Variants in MIR2052HG observed in about 807,000 individuals in gnomAD.
MIR2052HG encodes the protein MIR2052 host gene.
chr8:74,729,477 T>G (rs910406538), intron 4 of MIR2052HG, among the ~76,000 whole-genome samples: 9 of 152,162 alleles, frequency 5.9e-5, no homozygotes, highest in African/African-American at 2.2e-4. Context: ...TCAGAGAGAT[T>G]AACATGTGAA....
intron 2 of MIR2052HG, among the ~76,000 whole-genome samples, chr8:74,616,165 G>C (rs1477506300): frequency 6.6e-6 from 1 of 151,856 alleles, no homozygotes. Context: ...ATTTCTAGTT[G>C]TAGATCCTTG....
chr8:74,683,729 C>G (rs1219228684), intron 2 of MIR2052HG, among the ~76,000 whole-genome samples: 1 of 152,114 alleles, frequency 6.6e-6, no homozygotes, highest in Non-Finnish European at 1.5e-5. Context: ...GTGTTACAAT[C>G]ACAGTGATAA....
At chr8:74,715,196 T>C (rs1449096243) in intron 4 of MIR2052HG, among the ~76,000 whole-genome samples, 1 of 152,116 alleles carries the variant, frequency 6.6e-6, no homozygotes, top group Non-Finnish European at 1.5e-5. Flanking sequence ...AAAAAACTGA[T>C]GACTAAAACT....
intron 2 of MIR2052HG, among the ~76,000 whole-genome samples, chr8:74,701,381 T>C (rs560318313): frequency 2.0e-5 from 3 of 152,216 alleles, no homozygotes; most frequent in African/African-American, 7.2e-5. Context: ...GTTCAAGCAC[T>C]GTTTCTACTT....
intron 2 of MIR2052HG, among the ~76,000 whole-genome samples, chr8:74,656,476 C>G (rs1187035936): frequency 3.9e-5 from 6 of 152,174 alleles, no homozygotes; most frequent in Admixed American, 3.9e-4. Context: ...CTCACGAGAT[C>G]TGATGGGTTT....
intron 2 of MIR2052HG, among the ~76,000 whole-genome samples, chr8:74,648,575 G>A (rs1416069558): frequency 2.0e-5 from 3 of 152,018 alleles, no homozygotes; most frequent in East Asian, 1.9e-4. Flanking sequence ...GCTCAAGGTC[G>A]CCATCACGGT....
intron 2 of MIR2052HG, among the ~76,000 whole-genome samples, chr8:74,669,527 G>C (rs887993857): frequency 2.6e-5 from 4 of 152,104 alleles, no homozygotes; most frequent in African/African-American, 9.7e-5. Flanking sequence ...CCTAACTCTT[G>C]CTAATGATTT....
At chr8:74,751,757 TATG>T (rs1376094739) in intron 4 of MIR2052HG, among the ~76,000 whole-genome samples, 1 of 152,198 alleles carries the variant, frequency 6.6e-6, no homozygotes, top group Non-Finnish European at 1.5e-5. Flanking sequence ...CATTCCTAAT[TATG>T]ATGACAAATT....
intron 2 of MIR2052HG, among the ~76,000 whole-genome samples, chr8:74,672,276 TA>T (rs1310713379): frequency 9.9e-5 from 15 of 152,236 alleles, no homozygotes; most frequent in African/African-American, 3.6e-4. Context: ...CCGTTGAATC[TA>T]AATAATACAC....
intron 2 of MIR2052HG, among the ~76,000 whole-genome samples, chr8:74,681,547 C>T (rs994979926): frequency 1.3e-5 from 2 of 152,030 alleles, no homozygotes; most frequent in African/African-American, 4.8e-5. Flanking sequence ...ATTTAATTGC[C>T]AATGTAATGG....
intron 2 of MIR2052HG, among the ~76,000 whole-genome samples, chr8:74,637,659 C>T (rs1414507737): frequency 6.6e-6 from 1 of 152,110 alleles, no homozygotes; most frequent in Non-Finnish European, 1.5e-5. Context: ...ATTCTTCTAG[C>T]AAGCTTCTTC....
At chr8:74,707,381 T>C (rs555876786) in intron 4 of MIR2052HG, among the ~76,000 whole-genome samples, 24 of 152,206 alleles carry the variant, frequency 1.6e-4, no homozygotes, top group African/African-American at 5.1e-4. Context: ...AAAAATAAAA[T>C]ACATACAAGC....
chr8:74,680,979 C>T (rs1230910062), intron 2 of MIR2052HG, among the ~76,000 whole-genome samples: 3 of 147,482 alleles, frequency 2.0e-5, no homozygotes, highest in South Asian at 2.1e-4. Flanking sequence ...AACCAAACAC[C>T]GCATATTCTC....
chr8:74,752,338 A>G (rs1217456416), intron 4 of MIR2052HG: 1 of 343,564 alleles, frequency 2.9e-6, no homozygotes, highest in East Asian at 1.1e-4. Flanking sequence ...TCAATTACTA[A>G]TTTCAAAGGC....
chr8:74,742,698 A>T (rs946419074), intron 4 of MIR2052HG, among the ~76,000 whole-genome samples: 1 of 152,254 alleles, frequency 6.6e-6, no homozygotes, highest in African/African-American at 2.4e-5. Flanking sequence ...CTTCCCTGGA[A>T]TTGCCACCCA....
intron 2 of MIR2052HG, among the ~76,000 whole-genome samples, chr8:74,624,761 A>G (rs1195595206): frequency 1.3e-5 from 2 of 152,162 alleles, no homozygotes; most frequent in South Asian, 2.1e-4. Context: ...TATTCCTAAC[A>G]CTTAAATACT....
intron 2 of MIR2052HG, among the ~76,000 whole-genome samples, chr8:74,637,350 A>G (rs976604443): frequency 6.6e-6 from 1 of 152,124 alleles, no homozygotes; most frequent in African/African-American, 2.4e-5. Context: ...CAGGATACAC[A>G]TGCAAACACA....
At chr8:74,658,544 C>A (rs1055782893) in intron 2 of MIR2052HG, among the ~76,000 whole-genome samples, 1 of 152,054 alleles carries the variant, frequency 6.6e-6, no homozygotes. Context: ...CACCACCACA[C>A]CCGGCTAATT....
intron 2 of MIR2052HG, among the ~76,000 whole-genome samples, chr8:74,675,379 A>G (rs269168): frequency 0.2 from 29,972 of 151,988 alleles, 3,224 homozygotes; most frequent in Middle Eastern, 0.3. Context: ...TTTACATAGC[A>G]TTTACATTAT....
Sources: gnomAD v4.1 joint callset for allele counts (sites outside exome capture counted in the v4.1 genomes callset) on GRCh38, gnomAD v4.1.1 for gene constraint, MANE v1.5 for transcripts, NCBI Gene and HGNC (gene_info 2026-07-23, HGNC 2026-07-21) for gene names.